Variants in RMDN2 observed in about 807,000 individuals in gnomAD.
RMDN2 encodes regulator of microtubule dynamics 2, also known as regulator of microtubule dynamics protein 2.
A neutral mutation model predicts 52.8 loss-of-function variants in RMDN2; 61 were observed. That is an observed-to-expected ratio of 1.16 (90% CI 0.94 to 1.43). The LOEUF is 1.43. Ranked by LOEUF, RMDN2 falls within the 40% of genes most tolerant of loss-of-function variation. RMDN2 has a pLI of 0.00. For missense variants in RMDN2, 592 were observed against 475.3 expected, an observed-to-expected ratio of 1.25 and a Z score of -2.28; for synonymous variants, 180 against 153.1, an observed-to-expected ratio of 1.18 and a Z score of -1.30.
At chr2:38,016,143 C>T (rs1162982367) in intron 10 of RMDN2, among the ~76,000 whole-genome samples, 2 of 152,200 alleles carry the variant, frequency 1.3e-5, no homozygotes, top group Admixed American at 6.5e-5. Context: ...GTGTAACCAA[C>T]GTGGAAGACG....
At chr2:37,923,591 A>G (rs1427234833), upstream of RMDN2, among the ~76,000 whole-genome samples, 1 of 152,212 alleles carries the variant, frequency 6.6e-6, no homozygotes, top group Non-Finnish European at 1.5e-5. Flanking sequence ...ATCGGTTTAT[A>G]TCATATTGTA....
intron 2 of RMDN2, among the ~76,000 whole-genome samples, chr2:37,961,220 T>G (rs1670186325): frequency 6.6e-6 from 1 of 152,156 alleles, no homozygotes; most frequent in African/African-American, 2.4e-5. Flanking sequence ...ATTTTCCGAA[T>G]TTGAGTGTTG....
At chr2:37,970,771 A>G (rs1006623022) in intron 2 of RMDN2, among the ~76,000 whole-genome samples, 2 of 152,198 alleles carry the variant, frequency 1.3e-5, no homozygotes, top group Non-Finnish European at 2.9e-5. Flanking sequence ...CTTATAAAGA[A>G]TAACATAAAG....
chr2:37,983,270 G>C (rs1673570269), intron 5 of RMDN2, among the ~76,000 whole-genome samples: 1 of 152,150 alleles, frequency 6.6e-6, no homozygotes, highest in Admixed American at 6.6e-5. Context: ...TGTTGAATTT[G>C]AATTTTCTCT....
chr2:37,922,136 C>A (rs1179293848), upstream of RMDN2, among the ~76,000 whole-genome samples: 1 of 152,142 alleles, frequency 6.6e-6, no homozygotes, highest in Non-Finnish European at 1.5e-5. Flanking sequence ...ATTTCCTTAA[C>A]CCTTTCCTTA....
chr2:37,921,646 A>G (rs984761665), upstream of RMDN2, among the ~76,000 whole-genome samples: 7 of 152,202 alleles, frequency 4.6e-5, no homozygotes, highest in African/African-American at 1.7e-4. Flanking sequence ...ATGTTCTTGT[A>G]AATGGTGCTA....
At chr2:38,024,855 C>G (rs1303167971) in intron 10 of RMDN2, among the ~76,000 whole-genome samples, 2 of 152,088 alleles carry the variant, frequency 1.3e-5, no homozygotes, top group Non-Finnish European at 2.9e-5. Context: ...ATGCATGGGT[C>G]TGTTTCTGGA....
upstream of RMDN2, among the ~76,000 whole-genome samples, chr2:37,924,614 G>A (rs1386236779): frequency 6.6e-6 from 1 of 152,224 alleles, no homozygotes; most frequent in Non-Finnish European, 1.5e-5. Flanking sequence ...TGATCCGCCT[G>A]CCTCAGCCTC....
intron 2 of RMDN2, chr2:37,951,857 C>T (rs1572765315): frequency 6.2e-7 from 1 of 1,613,534 alleles, no homozygotes; most frequent in Non-Finnish European, 8.5e-7. Context: ...GCACATCATC[C>T]TTCTTTTCTC....
In RMDN2 at chr2:37,951,098, G is replaced by A. The variant is rs1668721599; in HGVS notation, c.452+21369G>A. 10 of 818,784 alleles carry A rather than the reference G, an allele frequency of 1.2e-5. No individual in the cohort carries two copies. The East Asian group carries it at 2.2e-4, about 18-fold the overall frequency. The allele number at this position is 818,784 out of a possible 1,614,324, so 50.7% of individuals were successfully genotyped here. ...AGCTCCCCTATTCTTCTTATTCCCT[G>A]CTGTTTTCATATTAGTATGGAAACA... On this transcript the variant is annotated intron_variant, in intron 2 of 10. Coordinates refer to ENST00000354545, the MANE Select transcript of RMDN2 (RefSeq NM_001170791.3).
chr2:38,018,244 A>G (rs1679063223), downstream of RMDN2, among the ~76,000 whole-genome samples: 1 of 152,236 alleles, frequency 6.6e-6, no homozygotes, highest in South Asian at 2.1e-4. Context: ...AATGCTAGCA[A>G]TATTGTCATG....
chr2:37,975,103 A>C, intron 3 of RMDN2, 109 bp from the exon 4 acceptor site: 1 of 691,096 alleles, frequency 1.4e-6, no homozygotes, highest in Non-Finnish European at 2.6e-6. Context: ...AATAATCTAT[A>C]AATACCAGTT....
At chr2:37,932,374 TG>T (rs1322787996) in intron 2 of RMDN2, among the ~76,000 whole-genome samples, 3 of 151,814 alleles carry the variant, frequency 2.0e-5, no homozygotes, top group Non-Finnish European at 4.4e-5. Flanking sequence ...AGCACAGGGT[TG>T]GGGGTAAGGT....
intron 5 of RMDN2, among the ~76,000 whole-genome samples, chr2:37,983,432 A>G (rs1673590061): frequency 6.6e-6 from 1 of 152,184 alleles, no homozygotes; most frequent in African/African-American, 2.4e-5. Context: ...TGTCTTGTTT[A>G]TAATCATAGC....
At chr2:37,939,578 T>C (rs1432269401) in intron 2 of RMDN2, among the ~76,000 whole-genome samples, 1 of 152,232 alleles carries the variant, frequency 6.6e-6, no homozygotes, top group Non-Finnish European at 1.5e-5. Context: ...GGTGCTCTTG[T>C]ATTGGGTGAG....
intron 2 of RMDN2, among the ~76,000 whole-genome samples, chr2:37,953,750 T>C (rs2124977254): frequency 6.6e-6 from 1 of 152,146 alleles, no homozygotes; most frequent in South Asian, 2.1e-4. Context: ...TATATTTTAA[T>C]TTTTTGAGGA....
intron 10 of RMDN2, among the ~76,000 whole-genome samples, chr2:38,023,115 T>C (rs1573151872): frequency 1.3e-5 from 2 of 152,324 alleles, no homozygotes; most frequent in Non-Finnish European, 2.9e-5. Flanking sequence ...CAGCAACCTA[T>C]GAGGAAGAAA....
At chr2:38,018,970 C>G (rs1467982557), downstream of RMDN2, among the ~76,000 whole-genome samples, 1 of 152,128 alleles carries the variant, frequency 6.6e-6, no homozygotes, top group Non-Finnish European at 1.5e-5. Flanking sequence ...AAGCAACCCC[C>G]TAGCCCCATC....
At position 38,063,009 on chromosome 2, in the gene RMDN2, G is replaced by A. The variant is rs546345777; in HGVS notation, c.1714-3973G>A. Among the ~76,000 whole-genome samples the A allele has an allele frequency of 2.0e-5, 3 of 152,142 alleles. No individual in the cohort carries two copies. In the South Asian group the frequency reaches 6.2e-4, roughly 32 times the overall value. On this transcript the variant is annotated intron_variant, in intron 10 of 10. Transcript: ENST00000234195. ...ATATGTGCCATATTTTCTTAATCCA[G>A]TCTATCGTTGTTGGACATTTGGGTT...
Sources: allele counts gnomAD v4.1 joint callset (sites outside exome capture counted in the v4.1 genomes callset), GRCh38; gene constraint gnomAD v4.1.1; transcripts MANE v1.5; gene names NCBI Gene and HGNC (gene_info 2026-07-23, HGNC 2026-07-21).